GPHN: variants seen among roughly 807,000 people sequenced by gnomAD.
GPHN encodes the protein gephyrin.
A neutral mutation model predicts 95.5 loss-of-function variants in GPHN; 17 were observed. The observed-to-expected ratio is 0.18, with a 90% CI of 0.12 to 0.27. The LOEUF is 0.27. Ranked by LOEUF, GPHN falls within the 10% of genes least tolerant of loss-of-function variation. GPHN has a pLI of 1.00. For synonymous variants in GPHN, 320 were observed against 322.5 expected (o/e 0.99, Z 0.08); for missense variants, 660 against 978.1 (o/e 0.67, Z 4.34).
chr14:67,596,295 ATTTTTTTT>A, the GPHN span, among the ~76,000 whole-genome samples: 5 of 60,228 alleles, frequency 8.3e-5, no homozygotes, highest in Admixed American at 3.0e-4. Context: ...CGCCCAGCTA[ATTTTTTTT>A]TTTTTTTTTT....
the GPHN span, among the ~76,000 whole-genome samples, chr14:67,602,733 CAG>C: frequency 4.2e-3 from 641 of 152,282 alleles, 42 homozygotes; most frequent in East Asian, 0.11. Flanking sequence ...TTGTCACTGA[CAG>C]AAATCACAGA....
chr14:67,524,305 C>G, the GPHN span, among the ~76,000 whole-genome samples: 1,094 of 152,278 alleles, frequency 7.2e-3, 10 homozygotes, highest in African/African-American at 0.026. Flanking sequence ...ACTGGGCCCA[C>G]TGGACCCCAA....
intron 9 of GPHN, among the ~76,000 whole-genome samples, chr14:66,970,803 G>A (rs2069706150): frequency 6.6e-6 from 1 of 152,156 alleles, no homozygotes; most frequent in Admixed American, 6.5e-5. Context: ...CAACAAAAAG[G>A]TTGGAAACCA....
chr14:67,046,661 C>A (rs967462946), intron 10 of GPHN, among the ~76,000 whole-genome samples: 1 of 152,132 alleles, frequency 6.6e-6, no homozygotes, highest in Non-Finnish European at 1.5e-5. Context: ...AATAATAATT[C>A]TTTCAGCTAT....
downstream of GPHN, among the ~76,000 whole-genome samples, chr14:67,186,685 C>T (rs1041014435): frequency 6.6e-6 from 1 of 152,180 alleles, no homozygotes; most frequent in African/African-American, 2.4e-5. Flanking sequence ...TGCTGTTGCC[C>T]AGGTGACACT....
At chr14:67,718,299 G>A in the GPHN span, among the ~76,000 whole-genome samples, 4 of 152,180 alleles carry the variant, frequency 2.6e-5, no homozygotes, top group African/African-American at 9.7e-5. Flanking sequence ...ATAGGGAAGA[G>A]GAGAAGGAGG....
At chr14:66,856,696 A>G (rs1035843410) in intron 4 of GPHN, among the ~76,000 whole-genome samples, 12 of 152,114 alleles carry the variant, frequency 7.9e-5, no homozygotes, top group African/African-American at 2.9e-4. Flanking sequence ...ATGTGAAAAT[A>G]TATGTAGAAA....
At position 67,097,943 on chromosome 14, in the gene GPHN, CAA is replaced by C. The variant is rs901326943; in HGVS notation, c.1238-2912_1238-2911del. On this transcript the variant is annotated intron_variant, in intron 12 of 22. Coordinates refer to ENST00000478722, the MANE Select transcript of GPHN (RefSeq NM_020806.5). ...ATAAACAAAAATAAGTTTTATGAAA[CAA>C]GAGTCATCCTTACCATGTGTGTTGA... 7.9e-5 allele frequency among the ~76,000 whole-genome samples: 12 copies of C among 152,006 alleles called. No homozygotes were observed. In the East Asian group the frequency reaches 2.3e-3, roughly 29 times the overall value.
the GPHN span, chr14:67,364,503 T>C: frequency 2.8e-6 from 1 of 353,656 alleles, no homozygotes; most frequent in African/African-American, 2.1e-5. Flanking sequence ...TAGATGGTCA[T>C]TATTTTTTAT....
the GPHN span, among the ~76,000 whole-genome samples, chr14:67,433,162 A>C: frequency 6.6e-6 from 1 of 152,224 alleles, no homozygotes; most frequent in Non-Finnish European, 1.5e-5. Flanking sequence ...GGAGGGCCAG[A>C]AAAAGGGAAC....
the GPHN span, chr14:67,382,432 G>A: frequency 6.2e-7 from 1 of 1,603,598 alleles, no homozygotes; most frequent in Non-Finnish European, 8.5e-7. Context: ...ATGAATTTTT[G>A]TCTTTCTCTT....
the GPHN span, among the ~76,000 whole-genome samples, chr14:67,641,801 ACTCT>A: frequency 6.6e-6 from 1 of 150,404 alleles, no homozygotes; most frequent in Non-Finnish European, 1.5e-5. Context: ...AAAAAATGAG[ACTCT>A]CTTTGTGTAT....
the GPHN span, among the ~76,000 whole-genome samples, chr14:67,451,595 G>A: frequency 6.6e-6 from 1 of 152,144 alleles, no homozygotes; most frequent in African/African-American, 2.4e-5. Flanking sequence ...ACTTGCATGG[G>A]GCCTGTAGCC....
At chr14:66,672,661 CCT>C (rs1791978699) in intron 1 of GPHN, among the ~76,000 whole-genome samples, 1 of 151,976 alleles carries the variant, frequency 6.6e-6, no homozygotes. Flanking sequence ...ATATATTGCC[CCT>C]CTTTATTCCT....
At chr14:67,662,128 C>T in the GPHN span, among the ~76,000 whole-genome samples, 3 of 151,336 alleles carry the variant, frequency 2.0e-5, 1 homozygote, top group South Asian at 6.3e-4. Context: ...TGCACTCCAG[C>T]TTGGGCAACA....
rs1196979960 is a variant in GPHN, at chr14:67,059,040, CA to C, written c.1144+255del. 5.4e-6 allele frequency: 3 copies of C among 558,412 alleles called. No homozygotes were observed. In the African/African-American group the frequency reaches 6.0e-5, roughly 11 times the overall value. 34.6% of individuals were successfully genotyped at this position (558,412 alleles called of 1,614,324 possible). On this transcript the variant is annotated intron_variant, in intron 11 of 22. Coordinates refer to ENST00000478722, the MANE Select transcript of GPHN (RefSeq NM_020806.5). ...AAAAAAAAAAAAAAAGGAAGAAAATCAGCTGTGTTTCTGCTGTCCATGAAAA... is the reference window on the plus strand; with the variant it reads ...AAAAAAAAAAAAAAAGGAAGAAAATCGCTGTGTTTCTGCTGTCCATGAAAA...
chr14:67,570,011 G>A, the GPHN span: 1 of 1,584,286 alleles, frequency 6.3e-7, no homozygotes, highest in Non-Finnish European at 8.6e-7. Context: ...GCACTGAAGG[G>A]GGTAAGAAAC....
At chr14:67,421,908 T>C in the GPHN span, among the ~76,000 whole-genome samples, 2 of 152,150 alleles carry the variant, frequency 1.3e-5, no homozygotes, top group East Asian at 1.9e-4. Context: ...GGCAGTCTGA[T>C]AGACAAATAA....
At chr14:67,615,832 T>G in the GPHN span, 1 of 615,566 alleles carries the variant, frequency 1.6e-6, no homozygotes, top group Non-Finnish European at 3.0e-6. Flanking sequence ...AAAGAGAACA[T>G]TCTGGCCTGT....
Sources: gnomAD v4.1 joint callset for allele counts (sites outside exome capture counted in the v4.1 genomes callset) on GRCh38, gnomAD v4.1.1 for gene constraint, MANE v1.5 for transcripts, NCBI Gene and HGNC (gene_info 2026-07-23, HGNC 2026-07-21) for gene names.